The following MFSD12 variants were observed in gnomAD, a reference collection of about 807,000 sequenced individuals.
The protein encoded by MFSD12 is major facilitator superfamily domain-containing protein 12.
MFSD12 carries 67 observed loss-of-function variants against 51.2 expected under a neutral mutation model. The ratio of observed to expected loss-of-function variants is 1.31; its 90% CI spans 1.08 to 1.60. The LOEUF (loss-of-function observed/expected upper bound fraction) is 1.60, where lower values mean the gene tolerates loss of function less well. MFSD12 is among the 40% of genes most tolerant of loss of function. MFSD12 has a pLI of 0.00. For synonymous variants in MFSD12, 441 were observed against 316.7 expected (o/e 1.39, Z -4.17); for missense variants, 921 against 673.0 (o/e 1.37, Z -4.08).
chr19:3,544,564 G>C lies in MFSD12; in HGVS notation c.*146C>G, dbSNP rs1332256993. 6.9e-7 allele frequency: 1 copy of C among 1,445,810 alleles called. No homozygotes were observed. The highest frequency in any genetic ancestry group is 2.7e-5 in the Admixed American group (1 of 37,108). The allele number at this position is 1,445,810 out of a possible 1,614,324, so 89.6% of individuals were successfully genotyped here. On this transcript the variant is annotated 3_prime_UTR_variant, in exon 10 of 10. Transcript: ENST00000355415. ...GCGGGCATCCCTGCTGCCCTCACCC[G>C]ACCCCACCCCCGGGAGCTGGGTGAG...
chr19:3,543,485 C>CCT (rs1568250237), downstream of MFSD12: 2 of 1,516,578 alleles, frequency 1.3e-6, no homozygotes, highest in Non-Finnish European at 1.8e-6. Flanking sequence ...TGAGTGCCCC[C>CCT]CCCCCCGCCC....
At chr19:3,546,743 T>C (rs1377542693) in intron 6 of MFSD12, among the ~76,000 whole-genome samples, 2 of 152,134 alleles carry the variant, frequency 1.3e-5, no homozygotes, top group African/African-American at 4.8e-5. Flanking sequence ...CTGCACAGGG[T>C]GGACAGAAAG....
intron 1 of MFSD12, among the ~76,000 whole-genome samples, chr19:3,554,471 G>C (rs8110836): frequency 0.17 from 15,868 of 94,468 alleles, 1,129 homozygotes; most frequent in South Asian, 0.31. Context: ...AAAAAAGAAA[G>C]AAAGTTCCTG....
intron 8 of MFSD12, among the ~76,000 whole-genome samples, chr19:3,545,161 C>T (rs1265704710): frequency 6.6e-6 from 1 of 152,200 alleles, no homozygotes; most frequent in East Asian, 1.9e-4. Context: ...GTCTCCCCTT[C>T]CCTGTCTCCT....
intron 2 of MFSD12, among the ~76,000 whole-genome samples, chr19:3,548,509 G>A (rs1408604710): frequency 1.3e-5 from 2 of 152,218 alleles, no homozygotes; most frequent in African/African-American, 4.8e-5. Context: ...CCAGGGTACA[G>A]TGACTCGGCC....
downstream of MFSD12, among the ~76,000 whole-genome samples, chr19:3,540,353 G>A (rs2030274636): frequency 6.6e-6 from 1 of 151,670 alleles, no homozygotes; most frequent in South Asian, 2.1e-4. Flanking sequence ...CAACTCCCTG[G>A]TTCGAGCGAT....
In MFSD12 at chr19:3,544,806, C is replaced by T. The variant is rs2030817333; in HGVS notation, c.1420+3G>A. ...GGGGAGGGAGGGGTGGGCCAGGACT[C>T]ACAGCGTCGCAGGCGGGTCGGCCAC... is the stretch of plus-strand genomic sequence containing the variant. On this transcript the variant is annotated splice_donor_region_variant and intron_variant, in intron 9 of 9. Coordinates refer to ENST00000355415, the MANE Select transcript of MFSD12 (RefSeq NM_174983.5). The T allele has an allele frequency of 1.2e-6, 2 of 1,611,994 alleles. No individual in the cohort carries two copies. Among genetic ancestry groups the T allele is most frequent in the South Asian group, 2.2e-5 (2 of 90,910 alleles).
intron 1 of MFSD12, among the ~76,000 whole-genome samples, chr19:3,555,653 C>A (rs1232593758): frequency 5.3e-5 from 8 of 152,144 alleles, no homozygotes; most frequent in Non-Finnish European, 4.4e-5. Context: ...AGATCCACTG[C>A]CTCTTGCAAA....
downstream of MFSD12, chr19:3,542,625 C>T (rs981370963): frequency 3.8e-5 from 30 of 779,954 alleles, no homozygotes; most frequent in African/African-American, 3.4e-4. Flanking sequence ...AGGTGCCCCC[C>T]GCCCCCACAC....
In MFSD12 at chr19:3,548,034, G is replaced by A; in HGVS notation, c.655-4C>T. The A allele has an allele frequency of 1.2e-6, 2 of 1,600,138 alleles. No homozygotes were observed. Among genetic ancestry groups the A allele is most frequent in the South Asian group, 1.1e-5 (1 of 91,058 alleles). On this transcript the variant is annotated splice_region_variant and splice_polypyrimidine_tract_variant and intron_variant, in intron 3 of 9. Transcript: ENST00000355415. ...CCACCACCAGCAGGGACAGGTTCTG[G>A]GGATGCAGCAGAAGCAGTCAGTGGT... is the stretch of plus-strand genomic sequence containing the variant.
At chr19:3,554,716 T>C (rs897299611) in intron 1 of MFSD12, among the ~76,000 whole-genome samples, 1 of 151,876 alleles carries the variant, frequency 6.6e-6, no homozygotes, top group Non-Finnish European at 1.5e-5. Context: ...CTCACAGGAG[T>C]GTTTGTGTCT....
At chr19:3,540,280 C>T (rs1302647308), downstream of MFSD12, among the ~76,000 whole-genome samples, 4 of 148,048 alleles carry the variant, frequency 2.7e-5, no homozygotes, top group African/African-American at 5.1e-5. Flanking sequence ...TTTTTTTGGA[C>T]GGAGTCTCAC....
At chr19:3,543,046 G>T, downstream of MFSD12, 2 of 1,605,020 alleles carry the variant, frequency 1.2e-6, no homozygotes, top group Non-Finnish European at 1.7e-6. Context: ...GGGGGAGTCA[G>T]CCTCTCTCCT....
chr19:3,548,243 G>T lies in MFSD12; in HGVS notation c.534C>A (p.Asn178Lys). Residue 178 changes from asparagine (N) to lysine (K), a missense_variant, in exon 3 of 10, where the codon AAC becomes AAA. Transcript: ENST00000355415. ...ALRYAFTVVANITVYGAAWLL... is the reference protein window; with the variant it reads ...ALRYAFTVVAKITVYGAAWLL... Reference sequence around the variant, plus strand: ...GCCAGGCGGCGCCGTAGACGGTGATGTTGGCCACCACGGTGAACGCATACC... The same window carrying T: ...GCCAGGCGGCGCCGTAGACGGTGATTTTGGCCACCACGGTGAACGCATACC... The T allele has an allele frequency of 6.4e-7, 1 of 1,550,946 alleles. No individual in the cohort carries two copies. The highest frequency in any genetic ancestry group is 8.7e-7 in the Non-Finnish European group (1 of 1,148,222).
At chr19:3,541,564 G>A (rs568697343), downstream of MFSD12, 26 of 614,356 alleles carry the variant, frequency 4.2e-5, 1 homozygote, top group South Asian at 1.4e-4. Context: ...CTCATGATCC[G>A]CCTGCCTCGG....
At chr19:3,541,050 T>C (rs943850081), downstream of MFSD12, among the ~76,000 whole-genome samples, 3 of 146,458 alleles carry the variant, frequency 2.0e-5, no homozygotes, top group African/African-American at 7.7e-5. Flanking sequence ...GCGCCTGCAA[T>C]CCCAGCTACT....
downstream of MFSD12, among the ~76,000 whole-genome samples, chr19:3,540,311 G>A (rs889922412): frequency 1.3e-5 from 2 of 151,046 alleles, no homozygotes; most frequent in African/African-American, 4.9e-5. Context: ...AGACTGGAAC[G>A]CAATGGTGCA....
downstream of MFSD12, chr19:3,539,344 G>A (rs2030165798): frequency 2.4e-6 from 2 of 824,452 alleles, no homozygotes; most frequent in African/African-American, 1.8e-5. Flanking sequence ...GTTTGGTTTG[G>A]GGTCTTGCAC....
intron 2 of MFSD12, among the ~76,000 whole-genome samples, chr19:3,550,711 G>A (rs547849548): frequency 2.0e-5 from 3 of 151,878 alleles, no homozygotes; most frequent in South Asian, 2.1e-4. Flanking sequence ...AAAACAGCTG[G>A]GTGTAGTGAC....
Sources: allele counts gnomAD v4.1 joint callset (sites outside exome capture counted in the v4.1 genomes callset), GRCh38; gene constraint gnomAD v4.1.1; transcripts MANE v1.5; gene names NCBI Gene and HGNC (gene_info 2026-07-23, HGNC 2026-07-21).